Variants in ADAMTS6 observed in about 807,000 individuals in gnomAD.
ADAMTS6 encodes the protein A disintegrin and metalloproteinase with thrombospondin motifs 6.
In ADAMTS6, 23 loss-of-function variants were observed where a neutral mutation model predicts 144.3. The ratio of observed to expected loss-of-function variants is 0.16; its 90% CI spans 0.11 to 0.23. ADAMTS6 has a LOEUF of 0.23. ADAMTS6 is among the 10% of genes least tolerant of loss of function. The probability of loss-of-function intolerance (pLI) is 1.00; values close to 1 mark genes in which losing one functional copy is unlikely to be tolerated. For synonymous variants in ADAMTS6, 444 were observed against 457.5 expected (o/e 0.97, Z 0.38); for missense variants, 999 against 1,379.6 (o/e 0.72, Z 4.37).
At chr5:65,333,967 A>T in intron 8 of ADAMTS6, 75 bp downstream of exon 8, 1 of 1,301,670 alleles carries the variant, frequency 7.7e-7, no homozygotes. Context: ...CATTGGTCCA[A>T]AAAGACAATC....
At chr5:65,376,630 A>C (rs1436360349) in intron 7 of ADAMTS6, among the ~76,000 whole-genome samples, 1 of 152,132 alleles carries the variant, frequency 6.6e-6, no homozygotes, top group Non-Finnish European at 1.5e-5. Context: ...CAGGAATTCA[A>C]GACTATCCTG....
rs1746311331 is a variant in ADAMTS6, at chr5:65,327,793, G to A, written c.1223+1585C>T. Among the ~76,000 whole-genome samples, 7 of 152,156 alleles carry A rather than the reference G, an allele frequency of 4.6e-5. No individual in the cohort carries two copies. In the South Asian group the frequency reaches 1.4e-3, roughly 31 times the overall value. ...ATTTAAGTACGTACATACAAGAATG[G>A]AATGTGAAATGTGTGTGTTGACATT... On this transcript the variant is annotated intron_variant, in intron 9 of 24. Coordinates refer to ENST00000381055, the MANE Select transcript of ADAMTS6 (RefSeq NM_197941.4).
At chr5:65,281,903 A>T (rs1310455158) in intron 11 of ADAMTS6, among the ~76,000 whole-genome samples, 4 of 152,114 alleles carry the variant, frequency 2.6e-5, no homozygotes, top group Non-Finnish European at 5.9e-5. Context: ...TAATGTTTTC[A>T]TTATTTTTAA....
At position 65,334,015 on chromosome 5, in the gene ADAMTS6, AAAAAAAAAAAAC is replaced by A. The variant is rs1561436024; in HGVS notation, c.1117+15_1117+26del. ...CCTTTATTAAAAAAAAAAAAAAAAA[AAAAAAAAAAAAC>A]CAAAAAAAACTTACCCAGTGTTCCA... On this transcript the variant is annotated intron_variant, in intron 8 of 24. Transcript: ENST00000381055. The A allele has an allele frequency of 9.2e-6, 13 of 1,413,610 alleles. No individual in the cohort carries two copies. In the African/African-American group the frequency reaches 1.4e-4, roughly 15 times the overall value. 87.6% of individuals were successfully genotyped at this position (1,413,610 alleles called of 1,614,324 possible).
intron 7 of ADAMTS6, among the ~76,000 whole-genome samples, chr5:65,381,123 T>A (rs1751997447): frequency 6.6e-6 from 1 of 152,220 alleles, no homozygotes. Context: ...ATTTTCTTTC[T>A]TTTCAAAAAC....
chr5:65,304,958 ATGAAAT>A (rs1451761287), intron 9 of ADAMTS6, among the ~76,000 whole-genome samples: 1 of 152,064 alleles, frequency 6.6e-6, no homozygotes, highest in Non-Finnish European at 1.5e-5. Flanking sequence ...GGGACAATAA[ATGAAAT>A]TGGAGTATGA....
Position 65,355,542 on chromosome 5 carries a change from T to G in ADAMTS6, c.1074-21457A>C, listed in dbSNP as rs549378326. 1.6e-4 allele frequency among the ~76,000 whole-genome samples: 24 copies of G among 152,012 alleles called. 1 individual carries two copies. The South Asian group carries it at 5.0e-3, about 31-fold the overall frequency. On this transcript the variant is annotated intron_variant, in intron 7 of 24. Coordinates refer to ENST00000381055, the MANE Select transcript of ADAMTS6 (RefSeq NM_197941.4). Reference sequence around the variant, plus strand: ...TAACCTTTCTCTCACTCAAATCACATGCCTTCTCTAAATCCATCTTTAGCC... The same window carrying G: ...TAACCTTTCTCTCACTCAAATCACAGGCCTTCTCTAAATCCATCTTTAGCC...
At chr5:65,370,725 C>A (rs926122129) in intron 7 of ADAMTS6, among the ~76,000 whole-genome samples, 8 of 152,302 alleles carry the variant, frequency 5.3e-5, no homozygotes, top group African/African-American at 1.4e-4. Context: ...CCCAGGCTTG[C>A]TTAGGTAAAC....
intron 6 of ADAMTS6, 51 bp downstream of exon 6, chr5:65,452,082 T>C (rs1458370304): frequency 1.5e-6 from 2 of 1,323,686 alleles, no homozygotes; most frequent in Non-Finnish European, 2.0e-6. Context: ...ATTCTATAGC[T>C]CTATAGCCTT....
intron 7 of ADAMTS6, among the ~76,000 whole-genome samples, chr5:65,405,084 A>G (rs1380801130): frequency 1.3e-5 from 2 of 152,132 alleles, no homozygotes; most frequent in African/African-American, 4.8e-5. Flanking sequence ...ATTTTCTCCC[A>G]TTCTGTAGGC....
intron 11 of ADAMTS6, among the ~76,000 whole-genome samples, chr5:65,286,269 A>G (rs971273071): frequency 2.0e-5 from 3 of 152,196 alleles, no homozygotes; most frequent in Admixed American, 2.0e-4. Flanking sequence ...TTAATGGTCA[A>G]TTTTAGGTCA....
rs202124668 is a variant in ADAMTS6, at chr5:65,478,126, C to CAA, written c.-280+3215_-280+3216dup. Among the ~76,000 whole-genome samples the CAA allele has an allele frequency of 4.8e-4, 70 of 145,358 alleles. 1 individual carries two copies. Among genetic ancestry groups the CAA allele is most frequent in the Admixed American group, 3.1e-3 (45 of 14,518 alleles). On this transcript the variant is annotated intron_variant, in intron 1 of 24. Coordinates refer to ENST00000381055, the MANE Select transcript of ADAMTS6 (RefSeq NM_197941.4). The stretch of plus-strand genomic sequence containing the variant: ...TGGGTGACAGAGCGAGGCTCCGTCT[C>CAA]AAAAAAAAAACCAAACAAACAAAAA...
intron 7 of ADAMTS6, among the ~76,000 whole-genome samples, chr5:65,370,552 A>G (rs928819768): frequency 3.3e-5 from 5 of 152,026 alleles, no homozygotes; most frequent in African/African-American, 1.2e-4. Flanking sequence ...CCACCCAAAT[A>G]CCGCGCTTTT....
chr5:65,430,763 C>T (rs1756939944), intron 7 of ADAMTS6, among the ~76,000 whole-genome samples: 1 of 152,134 alleles, frequency 6.6e-6, no homozygotes, highest in Admixed American at 6.5e-5. Context: ...ATAAGCCAAG[C>T]TCTGTCCCAT....
intron 11 of ADAMTS6, 44 bp from the exon 12 acceptor site, chr5:65,273,491 G>A: frequency 6.8e-7 from 1 of 1,471,028 alleles, no homozygotes; most frequent in Non-Finnish European, 9.5e-7. Context: ...ATAGAGTCAT[G>A]TCCAATTCTT....
intron 9 of ADAMTS6, among the ~76,000 whole-genome samples, chr5:65,317,114 C>A (rs1406353807): frequency 6.6e-6 from 1 of 152,040 alleles, no homozygotes; most frequent in Admixed American, 6.6e-5. Flanking sequence ...ACATAAAAAT[C>A]TTAAATGTGA....
At chr5:65,297,465 T>G (rs570054045) in intron 10 of ADAMTS6, among the ~76,000 whole-genome samples, 1 of 152,322 alleles carries the variant, frequency 6.6e-6, no homozygotes, top group Admixed American at 6.5e-5. Context: ...AGGTATGCGT[T>G]TTGTTGGCTG....
intron 7 of ADAMTS6, among the ~76,000 whole-genome samples, chr5:65,336,892 A>T (rs1399121601): frequency 6.6e-6 from 1 of 151,618 alleles, no homozygotes; most frequent in African/African-American, 2.4e-5. Flanking sequence ...ACAAGGTAAT[A>T]AAAAAAAATT....
intron 7 of ADAMTS6, among the ~76,000 whole-genome samples, chr5:65,396,211 T>G (rs1753319809): frequency 2.0e-5 from 3 of 152,340 alleles, no homozygotes; most frequent in Middle Eastern, 3.4e-3. Flanking sequence ...AACCTTCCTT[T>G]TGGGGAGAAA....
Sources: gnomAD v4.1 joint callset for allele counts (sites outside exome capture counted in the v4.1 genomes callset) on GRCh38, gnomAD v4.1.1 for gene constraint, MANE v1.5 for transcripts, NCBI Gene and HGNC (gene_info 2026-07-23, HGNC 2026-07-21) for gene names.